SAMD5: variants seen among roughly 807,000 people sequenced by gnomAD.
The protein encoded by SAMD5 is sterile alpha motif domain containing 5.
SAMD5 carries 13 observed loss-of-function variants against 11.3 expected under a neutral mutation model. The ratio of observed to expected loss-of-function variants is 1.15; its 90% confidence interval spans 0.75 to 1.83. The LOEUF (loss-of-function observed/expected upper bound fraction) is 1.83. SAMD5 is among the 40% of genes most tolerant of loss of function. The pLI is 0.00. For synonymous variants in SAMD5, 129 were observed against 111.3 expected (o/e 1.16, Z -1.00); for missense variants, 255 against 239.1 (o/e 1.07, Z -0.44).
chr6:147,589,569 A>G (rs1339549929), intron 1 of SAMD5, among the ~76,000 whole-genome samples: 2 of 152,140 alleles, frequency 1.3e-5, no homozygotes, highest in African/African-American at 4.8e-5. Flanking sequence ...CGGCGTCCTC[A>G]TCTGAGCACA....
At position 147,564,437 on chromosome 6, in the gene SAMD5, A is replaced by C; in HGVS notation, c.503A>C (p.Lys168Thr). Residue 168 changes from lysine to threonine, a missense_variant, in exon 2 of 2, where the codon AAG becomes ACG. Transcript: ENST00000367474. ...CTAGAGTACTTAATGAATTGGCCGAAGTCATCACAGAGCCGCTAGATATCA... is the reference window on the plus strand; with the variant it reads ...CTAGAGTACTTAATGAATTGGCCGACGTCATCACAGAGCCGCTAGATATCA... ...GILEYLMNWP[K>T]SSQSR The C allele has an allele frequency of 1.3e-6, 1 of 781,464 alleles. No homozygotes were observed. The highest frequency in any genetic ancestry group is 2.4e-5 in the East Asian group (1 of 41,252). 48.4% of individuals were successfully genotyped at this position (781,464 alleles called of 1,614,324 possible).
the SAMD5 span, among the ~76,000 whole-genome samples, chr6:147,905,559 T>C: frequency 6.6e-6 from 1 of 152,194 alleles, no homozygotes; most frequent in Non-Finnish European, 1.5e-5. Flanking sequence ...AAATCACCTC[T>C]AATCTCACCA....
chr6:147,823,099 G>T, the SAMD5 span, among the ~76,000 whole-genome samples: 1 of 152,178 alleles, frequency 6.6e-6, no homozygotes, highest in African/African-American at 2.4e-5. Context: ...TTATAGGCAT[G>T]AGCCACTAAG....
intron 1 of SAMD5, among the ~76,000 whole-genome samples, chr6:147,551,812 TTATATATATATA>T (rs10691979): frequency 1.1e-4 from 11 of 99,450 alleles, no homozygotes; most frequent in African/African-American, 2.8e-4. Flanking sequence ...TATATATATG[TTATATATATATA>T]TATATATATA....
At chr6:147,897,332 C>T in the SAMD5 span, among the ~76,000 whole-genome samples, 1 of 152,124 alleles carries the variant, frequency 6.6e-6, no homozygotes, top group East Asian at 1.9e-4. Flanking sequence ...AGCAGGCGAT[C>T]CTTCTTGAAC....
At chr6:147,768,442 G>C in the SAMD5 span, among the ~76,000 whole-genome samples, 1 of 152,180 alleles carries the variant, frequency 6.6e-6, no homozygotes, top group Non-Finnish European at 1.5e-5. Context: ...AGGTTGCAGT[G>C]AGTAGAGATC....
At chr6:147,572,457 T>C (rs1789150852), downstream of SAMD5, among the ~76,000 whole-genome samples, 1 of 152,132 alleles carries the variant, frequency 6.6e-6, no homozygotes, top group Non-Finnish European at 1.5e-5. Flanking sequence ...ACATTGTAAT[T>C]TGTGAAAGCA....
chr6:147,919,810 A>AT, the SAMD5 span, among the ~76,000 whole-genome samples: 1 of 152,162 alleles, frequency 6.6e-6, no homozygotes, highest in African/African-American at 2.4e-5. Flanking sequence ...GCTGGAGAAA[A>AT]TTTAAGAGAT....
At chr6:147,813,557 T>C in the SAMD5 span, among the ~76,000 whole-genome samples, 1 of 152,304 alleles carries the variant, frequency 6.6e-6, no homozygotes, top group African/African-American at 2.4e-5. Context: ...AAAGGTCACA[T>C]AGCCTCCTAA....
chr6:147,540,785 G>A (rs1788588359), intron 1 of SAMD5, among the ~76,000 whole-genome samples: 1 of 151,786 alleles, frequency 6.6e-6, no homozygotes, highest in South Asian at 2.1e-4. Context: ...GAGGGGGGGG[G>A]TCCAGAAACT....
intron 1 of SAMD5, among the ~76,000 whole-genome samples, chr6:147,538,987 G>A (rs867880613): frequency 6.6e-6 from 1 of 151,858 alleles, no homozygotes; most frequent in East Asian, 1.9e-4. Flanking sequence ...CAGAAGATTC[G>A]GCACTTAGAA....
chr6:147,792,697 T>C, the SAMD5 span, among the ~76,000 whole-genome samples: 1 of 152,108 alleles, frequency 6.6e-6, no homozygotes, highest in Admixed American at 6.6e-5. Flanking sequence ...ATATACAAGA[T>C]GAGCCTGTAG....
At chr6:147,744,433 CTT>C in the SAMD5 span, among the ~76,000 whole-genome samples, 1 of 152,028 alleles carries the variant, frequency 6.6e-6, no homozygotes, top group East Asian at 1.9e-4. Flanking sequence ...GAAAATTACT[CTT>C]GAGCTAAAGA....
chr6:147,643,324 C>A (rs918181062), intron 1 of SAMD5, among the ~76,000 whole-genome samples: 2 of 152,086 alleles, frequency 1.3e-5, no homozygotes, highest in Non-Finnish European at 2.9e-5. Flanking sequence ...GTGCCTTCCA[C>A]AGTTCTTTCA....
chr6:147,916,450 A>T, the SAMD5 span, among the ~76,000 whole-genome samples: 1 of 151,738 alleles, frequency 6.6e-6, no homozygotes, highest in African/African-American at 2.4e-5. Context: ...CCATTCTAAC[A>T]GGTGTGAGAT....
At chr6:147,713,357 G>A (rs772591934) in intron 1 of SAMD5, among the ~76,000 whole-genome samples, 5 of 152,142 alleles carry the variant, frequency 3.3e-5, no homozygotes, top group Admixed American at 6.5e-5. Flanking sequence ...TATACCCTGG[G>A]TTCCACTTGG....
the SAMD5 span, among the ~76,000 whole-genome samples, chr6:147,941,351 A>C: frequency 6.6e-6 from 1 of 152,204 alleles, no homozygotes; most frequent in African/African-American, 2.4e-5. Flanking sequence ...TCCTACAGGC[A>C]TGTGGTTAAA....
the SAMD5 span, among the ~76,000 whole-genome samples, chr6:147,746,812 A>T: frequency 1.3e-5 from 2 of 152,198 alleles, no homozygotes; most frequent in South Asian, 4.1e-4. Context: ...AACATCTCGA[A>T]CGTAAAGCAG....
At chr6:147,911,226 A>G in the SAMD5 span, among the ~76,000 whole-genome samples, 6 of 152,194 alleles carry the variant, frequency 3.9e-5, no homozygotes, top group Non-Finnish European at 8.8e-5. Context: ...CCTTAGCTGG[A>G]TGGCTACGTC....
Sources: gnomAD v4.1 joint callset for allele counts (sites outside exome capture counted in the v4.1 genomes callset) on GRCh38, gnomAD v4.1.1 for gene constraint, MANE v1.5 for transcripts, NCBI Gene and HGNC (gene_info 2026-07-23, HGNC 2026-07-21) for gene names.